The following PPARGC1A variants were observed in gnomAD, a reference collection of about 807,000 sequenced individuals.
PPARGC1A encodes PPARG coactivator 1 alpha.
PPARGC1A carries 25 observed loss-of-function variants against 88.7 expected under a neutral mutation model. The observed-to-expected ratio is 0.28, with a 90% CI of 0.21 to 0.39. The LOEUF (loss-of-function observed/expected upper bound fraction) is 0.39, where lower values mean the gene tolerates loss of function less well. Among genes scored for constraint, PPARGC1A ranks in the 10% least tolerant of loss-of-function variants. PPARGC1A has a pLI of 1.00. For missense variants in PPARGC1A, 880 were observed against 968.7 expected (o/e 0.91, Z 1.22); for synonymous variants, 363 against 355.6 (o/e 1.02, Z -0.24).
At chr4:24,189,312 A>G in the PPARGC1A span, among the ~76,000 whole-genome samples, 1 of 152,112 alleles carries the variant, frequency 6.6e-6, no homozygotes, top group South Asian at 2.1e-4. Context: ...TGCTATGTGT[A>G]TTTTATCATA....
At chr4:23,970,588 T>C in the PPARGC1A span, among the ~76,000 whole-genome samples, 1 of 152,216 alleles carries the variant, frequency 6.6e-6, no homozygotes, top group South Asian at 2.1e-4. Context: ...TTTAGCACAA[T>C]TAACAAGCTT....
chr4:23,998,056 A>C, the PPARGC1A span, among the ~76,000 whole-genome samples: 1 of 152,222 alleles, frequency 6.6e-6, no homozygotes, highest in Non-Finnish European at 1.5e-5. Context: ...AAATCGTCCA[A>C]ATGAATTGGC....
the PPARGC1A span, among the ~76,000 whole-genome samples, chr4:24,075,489 T>A: frequency 6.6e-6 from 1 of 152,196 alleles, no homozygotes; most frequent in Non-Finnish European, 1.5e-5. Flanking sequence ...ATGCTGCTAC[T>A]GCTAATCCTG....
the PPARGC1A span, among the ~76,000 whole-genome samples, chr4:23,961,357 G>C: frequency 6.6e-6 from 1 of 152,122 alleles, no homozygotes; most frequent in African/African-American, 2.4e-5. Flanking sequence ...TAAAACAAAT[G>C]ATATGATTTA....
chr4:24,160,567 T>C, the PPARGC1A span, among the ~76,000 whole-genome samples: 414 of 152,294 alleles, frequency 2.7e-3, 2 homozygotes, highest in African/African-American at 9.4e-3. Flanking sequence ...AGGAATGCTT[T>C]CTAAATTAGG....
At chr4:23,910,325 TTATATATTA>T in the PPARGC1A span, among the ~76,000 whole-genome samples, 2 of 45,230 alleles carry the variant, frequency 4.4e-5, no homozygotes, top group East Asian at 8.3e-4. Context: ...ATTATATATA[TTATATATTA>T]TATATATTAT....
the PPARGC1A span, among the ~76,000 whole-genome samples, chr4:24,153,478 G>A: frequency 2.6e-5 from 4 of 152,106 alleles, no homozygotes; most frequent in Non-Finnish European, 5.9e-5. Context: ...TATAAATGAA[G>A]TATAAATAGC....
the PPARGC1A span, among the ~76,000 whole-genome samples, chr4:24,415,574 C>A: frequency 6.6e-6 from 1 of 152,170 alleles, no homozygotes; most frequent in African/African-American, 2.4e-5. Flanking sequence ...ACCTTTCCAG[C>A]CAACTCTACT....
At chr4:24,386,748 A>G in the PPARGC1A span, among the ~76,000 whole-genome samples, 2 of 152,212 alleles carry the variant, frequency 1.3e-5, no homozygotes, top group East Asian at 3.8e-4. Context: ...GAGAGGACAC[A>G]AACAAATGGA....
the PPARGC1A span, among the ~76,000 whole-genome samples, chr4:24,223,815 A>G: frequency 0.12 from 18,159 of 152,224 alleles, 1,349 homozygotes; most frequent in African/African-American, 0.2. Flanking sequence ...AGTAGAAAGG[A>G]CAATATAGAC....
At chr4:24,331,604 T>C in the PPARGC1A span, among the ~76,000 whole-genome samples, 3 of 152,148 alleles carry the variant, frequency 2.0e-5, no homozygotes, top group African/African-American at 7.2e-5. Context: ...TATTTGTTGA[T>C]TGAATCTTCA....
chr4:24,344,064 C>T, the PPARGC1A span, among the ~76,000 whole-genome samples: 1 of 151,554 alleles, frequency 6.6e-6, no homozygotes, highest in Non-Finnish European at 1.5e-5. Context: ...GCTGCAAATG[C>T]TGTTAATTCA....
the PPARGC1A span, among the ~76,000 whole-genome samples, chr4:23,997,853 T>C: frequency 7.9e-5 from 12 of 152,160 alleles, no homozygotes; most frequent in Non-Finnish European, 1.5e-4. Context: ...AAGAGTATTT[T>C]GAGTTAATAT....
chr4:23,890,291 A>G (rs1467522145), upstream of PPARGC1A: 1 of 257,934 alleles, frequency 3.9e-6, no homozygotes, highest in East Asian at 8.5e-5. Context: ...GGCTTCAAGC[A>G]TCATGCTGTG....
chr4:24,361,812 G>C, the PPARGC1A span, among the ~76,000 whole-genome samples: 474 of 152,322 alleles, frequency 3.1e-3, 6 homozygotes, highest in African/African-American at 0.011. Context: ...TGCATGATCA[G>C]CTACAGAAAG....
the PPARGC1A span, among the ~76,000 whole-genome samples, chr4:24,253,471 A>G: frequency 6.6e-6 from 1 of 152,248 alleles, no homozygotes; most frequent in South Asian, 2.1e-4. Flanking sequence ...ATTGATGATC[A>G]TAAGTAAAAG....
chr4:24,404,256 C>T, the PPARGC1A span, among the ~76,000 whole-genome samples: 2 of 151,480 alleles, frequency 1.3e-5, no homozygotes, highest in African/African-American at 4.8e-5. Flanking sequence ...GAGTGAGACT[C>T]CATCTCAAAA....
the PPARGC1A span, among the ~76,000 whole-genome samples, chr4:24,359,379 C>T: frequency 1.3e-5 from 2 of 152,162 alleles, no homozygotes; most frequent in African/African-American, 4.8e-5. Context: ...GATGCCTCCA[C>T]CATTTATACC....
chr4:23,804,828 C>T (rs2109368118), intron 10 of PPARGC1A, among the ~76,000 whole-genome samples: 1 of 152,308 alleles, frequency 6.6e-6, no homozygotes, highest in East Asian at 1.9e-4. Context: ...CTCTCACATA[C>T]ACACACTGTC....
Sources: gnomAD v4.1 joint callset for allele counts (sites outside exome capture counted in the v4.1 genomes callset) on GRCh38, gnomAD v4.1.1 for gene constraint, MANE v1.5 for transcripts, NCBI Gene and HGNC (gene_info 2026-07-23, HGNC 2026-07-21) for gene names.